SRBD1: variants seen among roughly 807,000 people sequenced by gnomAD.
SRBD1 encodes S1 RNA-binding domain-containing protein 1.
A neutral mutation model predicts 115.3 loss-of-function variants in SRBD1; 88 were observed. The observed-to-expected ratio is 0.76, with a 90% CI of 0.64 to 0.91. SRBD1 has a LOEUF of 0.91. Ranked by LOEUF, SRBD1 falls within the 40% of genes least tolerant of loss-of-function variation. The pLI is 0.00. For missense variants in SRBD1, 1,385 were observed against 1,177.4 expected, an observed-to-expected ratio of 1.18 and a Z score of -2.58; for synonymous variants, 509 against 407.7, an observed-to-expected ratio of 1.25 and a Z score of -2.99.
At chr2:45,434,288 G>A (rs1668423630) in intron 16 of SRBD1, among the ~76,000 whole-genome samples, 1 of 152,092 alleles carries the variant, frequency 6.6e-6, no homozygotes, top group African/African-American at 2.4e-5. Context: ...GGACCTTCTC[G>A]GGTATCAAAT....
At chr2:45,598,343 G>A (rs1358251275) in intron 4 of SRBD1, among the ~76,000 whole-genome samples, 1 of 152,106 alleles carries the variant, frequency 6.6e-6, no homozygotes, top group Non-Finnish European at 1.5e-5. Context: ...GGCCAGGCGT[G>A]GTGGCTCATG....
In SRBD1 at chr2:45,574,739, A is replaced by G. The variant is rs1182397776; in HGVS notation, c.1073-16T>C. ...GTTGAAAGCCCTTTAGGAGAAGGGTAAAAAGGAAAACAAAAACAAAAAGTA... is the reference window on the plus strand; with the variant it reads ...GTTGAAAGCCCTTTAGGAGAAGGGTGAAAAGGAAAACAAAAACAAAAAGTA... On this transcript the variant is annotated splice_polypyrimidine_tract_variant and intron_variant, in intron 7 of 20. Transcript: ENST00000263736. The G allele has an allele frequency of 1.9e-6, 3 of 1,588,256 alleles. No individual in the cohort carries two copies. Among genetic ancestry groups the G allele is most frequent in the African/African-American group, 2.7e-5 (2 of 73,172 alleles).
chr2:45,455,784 G>A (rs1006448697), intron 16 of SRBD1, among the ~76,000 whole-genome samples: 3 of 151,750 alleles, frequency 2.0e-5, no homozygotes, highest in Non-Finnish European at 4.4e-5. Context: ...AATAACAGTG[G>A]TGATTTTGTG....
chr2:45,600,593 T>A lies in SRBD1; in HGVS notation c.262-758A>T, dbSNP rs141333383. On this transcript the variant is annotated intron_variant, in intron 3 of 20. Coordinates refer to ENST00000263736, the MANE Select transcript of SRBD1 (RefSeq NM_018079.5). ...ATAGCAGGCTAATGTCAGGCATTTT[T>A]CTTTAACAAGAGTCCGCACAGCAGC... is the stretch of plus-strand genomic sequence containing the variant. Among the ~76,000 whole-genome samples, 1,287 of 152,308 alleles carry A rather than the reference T, an allele frequency of 8.4e-3. 7 individuals are homozygous for A. The highest frequency in any genetic ancestry group is 0.014 in the Non-Finnish European group (938 of 68,026).
chr2:45,412,153 A>T (rs1047417751), intron 19 of SRBD1, among the ~76,000 whole-genome samples: 41 of 152,238 alleles, frequency 2.7e-4, no homozygotes, highest in African/African-American at 9.6e-4. Flanking sequence ...ATGGATGGAT[A>T]AGTAGATGGA....
intron 14 of SRBD1, among the ~76,000 whole-genome samples, chr2:45,507,720 C>G (rs1670839312): frequency 6.7e-6 from 1 of 150,198 alleles, no homozygotes; most frequent in Admixed American, 6.6e-5. Context: ...AACTCCGTCT[C>G]AAAAAAAACA....
intron 4 of SRBD1, among the ~76,000 whole-genome samples, chr2:45,588,740 C>T (rs1673625633): frequency 6.6e-6 from 1 of 152,318 alleles, no homozygotes; most frequent in Admixed American, 6.5e-5. Flanking sequence ...TGGGCTGGAA[C>T]TTCCTCTGAA....
chr2:45,455,524 C>A (rs1178753712), intron 16 of SRBD1, among the ~76,000 whole-genome samples: 2 of 151,734 alleles, frequency 1.3e-5, no homozygotes, highest in Admixed American at 1.3e-4. Flanking sequence ...CATGTGTAAT[C>A]TTTTCATTTT....
chr2:45,599,954 CAAGTA>C, intron 3 of SRBD1, 119 bp from the exon 4 acceptor site: 1 of 1,197,944 alleles, frequency 8.3e-7, no homozygotes. Context: ...GGAAGAATCT[CAAGTA>C]AATTATGTTG....
intron 14 of SRBD1, among the ~76,000 whole-genome samples, chr2:45,539,188 A>T (rs1221041307): frequency 1.3e-5 from 2 of 152,004 alleles, no homozygotes; most frequent in African/African-American, 2.4e-5. Context: ...CAACTAAAAG[A>T]CCTATCTTCT....
intron 19 of SRBD1, among the ~76,000 whole-genome samples, chr2:45,396,498 T>C (rs1255325864): frequency 1.3e-5 from 2 of 152,204 alleles, no homozygotes; most frequent in Non-Finnish European, 2.9e-5. Flanking sequence ...TGTAATTTCA[T>C]CCATCTTACT....
At chr2:45,404,957 C>A (rs2103839311) in intron 19 of SRBD1, among the ~76,000 whole-genome samples, 1 of 152,218 alleles carries the variant, frequency 6.6e-6, no homozygotes, top group East Asian at 1.9e-4. Context: ...CTCTAGATAT[C>A]TGCACAGCTA....
At chr2:45,571,375 G>C (rs55703923) in intron 9 of SRBD1, among the ~76,000 whole-genome samples, 1 of 151,332 alleles carries the variant, frequency 6.6e-6, no homozygotes, top group Non-Finnish European at 1.5e-5. Flanking sequence ...GCCACACATA[G>C]CAAACAAAAT....
intron 15 of SRBD1, among the ~76,000 whole-genome samples, chr2:45,479,093 A>G (rs1669886157): frequency 6.6e-6 from 1 of 152,140 alleles, no homozygotes; most frequent in African/African-American, 2.4e-5. Flanking sequence ...CCACACCTAT[A>G]AGGTAACAAA....
At chr2:45,497,017 G>C (rs1670480617) in intron 14 of SRBD1, among the ~76,000 whole-genome samples, 1 of 152,168 alleles carries the variant, frequency 6.6e-6, no homozygotes, top group South Asian at 2.1e-4. Context: ...GAGTTGCTCA[G>C]TTCAGCCGGC....
At position 45,422,742 on chromosome 2, in the gene SRBD1, C is replaced by T. The variant is rs144367773; in HGVS notation, c.2050-2848G>A. 3.3e-5 allele frequency among the ~76,000 whole-genome samples: 5 copies of T among 152,268 alleles called. No individual in the cohort carries two copies. In the East Asian group the frequency reaches 9.6e-4, roughly 29 times the overall value. ...CAAAGCATGTGAGAAGTTTATCTATCGGCAAAGAGCTGATTCTTTCAACCA... is the reference window on the plus strand; with the variant it reads ...CAAAGCATGTGAGAAGTTTATCTATTGGCAAAGAGCTGATTCTTTCAACCA... On this transcript the variant is annotated intron_variant, in intron 16 of 20. Transcript: ENST00000263736.
At position 45,413,124 on chromosome 2, in the gene SRBD1, T is replaced by A; in HGVS notation, c.2503A>T (p.Ile835Leu). The stretch of plus-strand genomic sequence containing the variant: ...GGGCCTCAGACTTACCTCATTGCTA[T>A]GTCATATGATTCTGGATGAATACAA... Reference protein sequence around the residue: ...QTCIHPESYDIAMRFLSSIGG... With the variant: ...QTCIHPESYDLAMRFLSSIGG... The change falls in exon 19 of 21, where the codon ATA (isoleucine) becomes TTA (leucine). Residue 835 changes from isoleucine (I) to leucine (L), a missense_variant. By Grantham distance (5) the Ile-to-Leu change is conservative (BLOSUM62 2). Transcript: ENST00000263736. The A allele has an allele frequency of 1.9e-6, 3 of 1,613,676 alleles. No homozygotes were observed. Among genetic ancestry groups the A allele is most frequent in the Non-Finnish European group, 2.5e-6 (3 of 1,179,806 alleles).
At chr2:45,609,926 T>C (rs985304327) in intron 1 of SRBD1, among the ~76,000 whole-genome samples, 21 of 152,322 alleles carry the variant, frequency 1.4e-4, no homozygotes, top group East Asian at 1.2e-3. Context: ...TCATAGAACC[T>C]AGCACTTAAC....
chr2:45,488,351 G>A lies in SRBD1; in HGVS notation c.1875-20C>T, dbSNP rs1457133863. 1.2e-6 allele frequency: 2 copies of A among 1,601,264 alleles called. No individual in the cohort carries two copies. Among genetic ancestry groups the A allele is most frequent in the African/African-American group, 2.7e-5 (2 of 74,532 alleles). On this transcript the variant is annotated intron_variant, in intron 14 of 20. Coordinates refer to ENST00000263736, the MANE Select transcript of SRBD1 (RefSeq NM_018079.5). The stretch of plus-strand genomic sequence containing the variant: ...ACGATACTGAGAAGACAGAAAAAGG[G>A]GAATATCACTTTCCTAACTTCCTGC...
Sources: gnomAD v4.1 joint callset for allele counts (sites outside exome capture counted in the v4.1 genomes callset) on GRCh38, gnomAD v4.1.1 for gene constraint, MANE v1.5 for transcripts, NCBI Gene and HGNC (gene_info 2026-07-23, HGNC 2026-07-21) for gene names.